Variants in RALYL observed in about 807,000 individuals in gnomAD.
RALYL encodes the protein RALY RNA binding protein like.
RALYL carries 29 observed loss-of-function variants against 35.1 expected under a neutral mutation model. The ratio of observed to expected loss-of-function variants is 0.83; its 90% confidence interval spans 0.61 to 1.13. The LOEUF (loss-of-function observed/expected upper bound fraction) is 1.13. Among genes scored for constraint, RALYL ranks in the 50% most tolerant of loss-of-function variants. RALYL has a pLI of 0.00. For synonymous variants in RALYL, 120 were observed against 127.6 expected, an observed-to-expected ratio of 0.94 and a Z score of 0.40; for missense variants, 359 against 360.4, an observed-to-expected ratio of 1.00 and a Z score of 0.03.
At chr8:84,418,500 T>C (rs2045017418) in intron 1 of RALYL, among the ~76,000 whole-genome samples, 1 of 152,114 alleles carries the variant, frequency 6.6e-6, no homozygotes, top group Non-Finnish European at 1.5e-5. Flanking sequence ...AGAAGGACCC[T>C]AAAATGAGTA....
intron 1 of RALYL, among the ~76,000 whole-genome samples, chr8:84,345,868 C>T (rs1203006037): frequency 2.0e-5 from 3 of 151,966 alleles, no homozygotes; most frequent in African/African-American, 7.2e-5. Context: ...TGATGCATGC[C>T]GTGGAAAAGT....
chr8:84,505,718 A>T (rs2057114299), intron 1 of RALYL, among the ~76,000 whole-genome samples: 1 of 151,762 alleles, frequency 6.6e-6, no homozygotes, highest in South Asian at 2.1e-4. Context: ...AAATGGAAAC[A>T]ATCTAAAACT....
intron 1 of RALYL, among the ~76,000 whole-genome samples, chr8:84,311,848 C>T (rs2129932681): frequency 6.6e-6 from 1 of 152,154 alleles, no homozygotes; most frequent in African/African-American, 2.4e-5. Flanking sequence ...ATACCAAAAA[C>T]AATAACAGAA....
At chr8:84,643,092 C>T (rs997674711) in intron 2 of RALYL, among the ~76,000 whole-genome samples, 3 of 151,870 alleles carry the variant, frequency 2.0e-5, no homozygotes, top group East Asian at 1.9e-4. Flanking sequence ...ACAAAGGTCA[C>T]ACACTCACAC....
rs1029685749 is a variant in RALYL, at chr8:84,921,388, G to A, written c.*477G>A. 1.3e-5 allele frequency: 2 copies of A among 152,030 alleles called. No homozygotes were observed. Among genetic ancestry groups the A allele is most frequent in the African/African-American group, 4.8e-5 (2 of 41,394 alleles). 9.4% of individuals were successfully genotyped at this position (152,030 alleles called of 1,614,324 possible). On this transcript the variant is annotated 3_prime_UTR_variant, in exon 9 of 9. Coordinates refer to ENST00000521268, the MANE Select transcript of RALYL (RefSeq NM_173848.7). ...ATTTATTTATAATTTATAGTTTAAA[G>A]TACTTCAGATCATAATGATAAAATA...
intron 2 of RALYL, among the ~76,000 whole-genome samples, chr8:84,634,225 A>G (rs1476978131): frequency 6.6e-6 from 1 of 151,896 alleles, no homozygotes; most frequent in East Asian, 1.9e-4. Flanking sequence ...GACCCTAAAC[A>G]TATCTCTTCA....
chr8:84,667,068 G>T (rs576970977), intron 2 of RALYL, among the ~76,000 whole-genome samples: 1 of 152,186 alleles, frequency 6.6e-6, no homozygotes, highest in South Asian at 2.1e-4. Flanking sequence ...AAAACAAAAG[G>T]AAGAAGTTCC....
intron 1 of RALYL, among the ~76,000 whole-genome samples, chr8:84,510,771 T>A (rs1477698539): frequency 3.3e-5 from 5 of 151,892 alleles, no homozygotes; most frequent in Non-Finnish European, 7.4e-5. Context: ...GATCACACCA[T>A]TGCACTTTAG....
intron 2 of RALYL, among the ~76,000 whole-genome samples, chr8:84,649,455 G>A (rs1008849534): frequency 1.3e-5 from 2 of 151,668 alleles, no homozygotes; most frequent in African/African-American, 4.8e-5. Flanking sequence ...ATTAATTTTT[G>A]TATAAGGTGT....
At chr8:84,556,044 C>T (rs1430946800) in intron 2 of RALYL, among the ~76,000 whole-genome samples, 3 of 152,132 alleles carry the variant, frequency 2.0e-5, no homozygotes, top group South Asian at 2.1e-4. Flanking sequence ...ACTCTCTCCC[C>T]AGATTAATTG....
intron 2 of RALYL, among the ~76,000 whole-genome samples, chr8:84,651,967 AG>A (rs1167766848): frequency 1.3e-5 from 2 of 152,050 alleles, no homozygotes; most frequent in Non-Finnish European, 2.9e-5. Flanking sequence ...TGCATAGTAA[AG>A]ATCTTAGAAT....
rs781271546 is a variant in RALYL at position 84,426,473 on chromosome 8, T to TGTGTGGGGGG, written c.-23-102825_-23-102824insTGTGGGGGGG. Among the ~76,000 whole-genome samples, 393 of 149,084 alleles carry TGTGTGGGGGG rather than the reference T, an allele frequency of 2.6e-3. 1 individual carries two copies. Among genetic ancestry groups the TGTGTGGGGGG allele is most frequent in the Non-Finnish European group, 4.1e-3 (272 of 66,984 alleles). On this transcript the variant is annotated intron_variant, in intron 1 of 8. Coordinates refer to ENST00000521268, the MANE Select transcript of RALYL (RefSeq NM_173848.7). ...GTGTGTGTGTGTGTGTGTGTGTGTG[T>TGTGTGGGGGG]GGGTTTAGATTTCACATATAAGTGA...
At chr8:84,774,877 A>T (rs1183125449) in intron 3 of RALYL, among the ~76,000 whole-genome samples, 1 of 152,160 alleles carries the variant, frequency 6.6e-6, no homozygotes, top group Non-Finnish European at 1.5e-5. Context: ...TCTACGAGAT[A>T]CTTATCTAAT....
At chr8:84,891,588 G>A (rs540017447) in intron 8 of RALYL, among the ~76,000 whole-genome samples, 10 of 152,068 alleles carry the variant, frequency 6.6e-5, no homozygotes, top group African/African-American at 2.4e-4. Flanking sequence ...CCTCAACCCT[G>A]GTATTATCAT....
intron 2 of RALYL, chr8:84,679,406 G>A: frequency 3.8e-6 from 1 of 265,504 alleles, no homozygotes; most frequent in South Asian, 4.6e-5. Context: ...TTGGCATGGA[G>A]CCTCCCAAGA....
intron 4 of RALYL, among the ~76,000 whole-genome samples, chr8:84,807,147 A>G (rs958405032): frequency 6.6e-6 from 1 of 152,130 alleles, no homozygotes; most frequent in African/African-American, 2.4e-5. Context: ...GTGGTCTTTT[A>G]GCCCTCACCC....
chr8:84,262,896 T>C (rs1053958830), intron 1 of RALYL, among the ~76,000 whole-genome samples: 1 of 152,182 alleles, frequency 6.6e-6, no homozygotes, highest in African/African-American at 2.4e-5. Context: ...CTGTAAAATA[T>C]GCCTCTAGCT....
chr8:84,367,340 T>TG (rs1854642792), intron 1 of RALYL, among the ~76,000 whole-genome samples: 4 of 66,916 alleles, frequency 6.0e-5, no homozygotes, highest in Non-Finnish European at 1.1e-4. Flanking sequence ...TTTTTTTTTT[T>TG]TTTTTTTTTT....
intron 2 of RALYL, among the ~76,000 whole-genome samples, chr8:84,666,048 C>A (rs1377355272): frequency 6.6e-6 from 1 of 151,890 alleles, no homozygotes; most frequent in Non-Finnish European, 1.5e-5. Flanking sequence ...TAACAGTTCC[C>A]CTAATGGTTC....
Sources: allele counts gnomAD v4.1 joint callset (sites outside exome capture counted in the v4.1 genomes callset), GRCh38; gene constraint gnomAD v4.1.1; transcripts MANE v1.5; gene names NCBI Gene and HGNC (gene_info 2026-07-23, HGNC 2026-07-21).